Variants in GOLGA5 observed in about 807,000 individuals in gnomAD.
The protein encoded by GOLGA5 is golgin subfamily A member 5.
Under a neutral mutation model 93.5 loss-of-function variants are expected in GOLGA5, and 50 were observed. That is an observed-to-expected ratio of 0.53 (90% CI 0.43 to 0.68). GOLGA5 has a LOEUF of 0.68. GOLGA5 is among the 30% of genes least tolerant of loss of function. The pLI, the probability that GOLGA5 is intolerant of heterozygous loss-of-function variation, is 0.00. For missense variants in GOLGA5, 760 were observed against 856.4 expected, an observed-to-expected ratio of 0.89 and a Z score of 1.40; for synonymous variants, 312 against 304.5, an observed-to-expected ratio of 1.02 and a Z score of -0.26.
At chr14:92,830,663 G>T (rs959275360) in intron 9 of GOLGA5, among the ~76,000 whole-genome samples, 1 of 152,104 alleles carries the variant, frequency 6.6e-6, no homozygotes, top group Non-Finnish European at 1.5e-5. Context: ...GCAGTGGTGC[G>T]ATCACAGCTC....
intron 9 of GOLGA5, among the ~76,000 whole-genome samples, chr14:92,832,481 G>A (rs1885551293): frequency 6.6e-6 from 1 of 152,168 alleles, no homozygotes; most frequent in South Asian, 2.1e-4. Context: ...GAAGGAAGTC[G>A]TTAAGTATCA....
chr14:92,833,369 A>G (rs1257948980), intron 10 of GOLGA5, 22 bp downstream of exon 10: 3 of 1,425,600 alleles, frequency 2.1e-6, no homozygotes, highest in Non-Finnish European at 2.0e-6. Context: ...AGGAATCTCA[A>G]AAGAACATTT....
intron 10 of GOLGA5, among the ~76,000 whole-genome samples, chr14:92,834,436 A>G (rs1042964738): frequency 1.7e-4 from 25 of 150,500 alleles, no homozygotes; most frequent in African/African-American, 5.9e-4. Context: ...ATTCCCACCT[A>G]TGAGTGAGAA....
In GOLGA5 at chr14:92,824,730, G is replaced by T. The variant is rs952383579; in HGVS notation, c.1719+86G>T. ...AAAGGACACAGTAAGAACTTTCCCC[G>T]TGTTTTCACCTGAGTTCTTTTGTAA... On this transcript the variant is annotated intron_variant, in intron 9 of 12. Transcript: ENST00000163416. 4.3e-6 allele frequency: 3 copies of T among 698,144 alleles called. No homozygotes were observed. The African/African-American group carries it at 5.4e-5, about 13-fold the overall frequency. 43.2% of individuals were successfully genotyped at this position (698,144 alleles called of 1,614,324 possible).
chr14:92,803,391 A>G (rs781307480), intron 2 of GOLGA5, among the ~76,000 whole-genome samples: 1 of 152,210 alleles, frequency 6.6e-6, no homozygotes, highest in Non-Finnish European at 1.5e-5. Context: ...TTTTAGTATT[A>G]CAGTTATATT....
chr14:92,830,754 C>T (rs1334248778), intron 9 of GOLGA5, among the ~76,000 whole-genome samples: 2 of 152,102 alleles, frequency 1.3e-5, no homozygotes, highest in Non-Finnish European at 2.9e-5. Context: ...CATGCACCAC[C>T]ACACTCGGCT....
At chr14:92,815,991 C>T (rs2140323727) in intron 6 of GOLGA5, among the ~76,000 whole-genome samples, 1 of 152,122 alleles carries the variant, frequency 6.6e-6, no homozygotes, top group Admixed American at 6.5e-5. Context: ...AGGCGTGAGC[C>T]ACCGCACCCA....
chr14:92,815,895 C>T (rs2896223), intron 6 of GOLGA5, among the ~76,000 whole-genome samples: 111,590 of 151,238 alleles, frequency 0.74, 41,602 homozygotes, highest in East Asian at 0.85. Context: ...TTAGTAGAGA[C>T]GGGGTTTCAC....
intron 1 of GOLGA5, among the ~76,000 whole-genome samples, chr14:92,796,895 G>A (rs898376997): frequency 1.9e-5 from 2 of 104,908 alleles, no homozygotes; most frequent in Non-Finnish European, 3.7e-5. Context: ...GCGTGAACCC[G>A]GGAAGCGGAG....
intron 2 of GOLGA5, among the ~76,000 whole-genome samples, chr14:92,805,692 C>T (rs1023604294): frequency 3.3e-5 from 5 of 152,088 alleles, no homozygotes; most frequent in African/African-American, 1.2e-4. Context: ...TCTGTTGGTT[C>T]TCATTGTGAT....
At position 92,825,859 on chromosome 14, in the gene GOLGA5, A is replaced by AG. The variant is rs1885408649; in HGVS notation, c.1719+1215_1719+1216insG. 1.3e-5 allele frequency among the ~76,000 whole-genome samples: 2 copies of AG among 150,900 alleles called. 1 individual carries two copies. The highest frequency in any genetic ancestry group is 4.2e-4 in the South Asian group (2 of 4,774). On this transcript the variant is annotated intron_variant, in intron 9 of 12. Transcript: ENST00000163416. The stretch of plus-strand genomic sequence containing the variant: ...TGACAGAGTGAGACCCTGTCTCAAA[A>AG]AAAAAAAGAAAAAACAACCATAGGG...
intron 2 of GOLGA5, among the ~76,000 whole-genome samples, chr14:92,800,001 C>T (rs1159401018): frequency 6.6e-6 from 1 of 152,148 alleles, no homozygotes; most frequent in Non-Finnish European, 1.5e-5. Flanking sequence ...TGAATAAAAT[C>T]TTTCTTGTAT....
intron 9 of GOLGA5, 101 bp downstream of exon 9, chr14:92,824,745 T>G (rs1885382837): frequency 3.1e-6 from 2 of 641,048 alleles, no homozygotes; most frequent in Admixed American, 6.0e-5. Context: ...TTCACCTGAG[T>G]TCTTTTGTAA....
intron 2 of GOLGA5, among the ~76,000 whole-genome samples, chr14:92,802,949 T>C (rs764772410): frequency 6.6e-6 from 1 of 152,064 alleles, no homozygotes; most frequent in Non-Finnish European, 1.5e-5. Flanking sequence ...TTGATACTTT[T>C]AAATATAAAA....
chr14:92,805,166 TCTC>T (rs1418083587), intron 2 of GOLGA5, among the ~76,000 whole-genome samples: 1 of 152,096 alleles, frequency 6.6e-6, no homozygotes, highest in Non-Finnish European at 1.5e-5. Flanking sequence ...TTCCACTTAA[TCTC>T]CTCACCCCGT....
chr14:92,824,418 G>C, intron 8 of GOLGA5, 128 bp from the exon 9 acceptor site: 2 of 568,142 alleles, frequency 3.5e-6, no homozygotes, highest in Non-Finnish European at 6.4e-6. Flanking sequence ...TATAAACTCA[G>C]TTATATACGG....
chr14:92,810,484 T>A, intron 5 of GOLGA5, 107 bp downstream of exon 5: 1 of 755,776 alleles, frequency 1.3e-6, no homozygotes, highest in Non-Finnish European at 2.0e-6. Context: ...GCAATGCATT[T>A]CAGAAAATTC....
rs754036168 is a variant in GOLGA5, at chr14:92,806,817, C to T, written c.626C>T (p.Pro209Leu). ...KENVSSNAAC[P>L]DHTPTPNDDG... ...AATGTGTCATCAAATGCTGCCTGCC[C>T]TGACCACACCCCAACACCTAATGAT... The change falls in exon 3 of 13, where the codon CCT becomes CTT. Residue 209 changes from proline (P) to leucine (L), a missense_variant. By Grantham distance (98) the Pro-to-Leu change is moderately conservative. Transcript: ENST00000163416. 6.2e-6 allele frequency: 10 copies of T among 1,613,692 alleles called. No homozygotes were observed. The South Asian group carries it at 9.9e-5, about 16-fold the overall frequency.
Position 92,806,805 on chromosome 14 carries a change from A to T in GOLGA5, c.614A>T (p.Asn205Ile). The T allele has an allele frequency of 1.2e-6, 2 of 1,613,994 alleles. No homozygotes were observed. Among genetic ancestry groups the T allele is most frequent in the Non-Finnish European group, 1.7e-6 (2 of 1,179,868 alleles). The change falls in exon 3 of 13, where the codon AAT (asparagine) becomes ATT (isoleucine). Residue 205 changes from asparagine (N) to isoleucine (I), a missense_variant. By Grantham distance (149) the Asn-to-Ile change is moderately radical (BLOSUM62 -3). Transcript: ENST00000163416. ...TCTTCAAAGGAAAATGTGTCATCAA[A>T]TGCTGCCTGCCCTGACCACACCCCA... Reference protein sequence around the residue: ...EESSKENVSSNAACPDHTPTP... With the variant: ...EESSKENVSSIAACPDHTPTP...
Sources: allele counts gnomAD v4.1 joint callset (sites outside exome capture counted in the v4.1 genomes callset), GRCh38; gene constraint gnomAD v4.1.1; transcripts MANE v1.5; gene names NCBI Gene and HGNC (gene_info 2026-07-23, HGNC 2026-07-21).